PRKN: variants seen among roughly 807,000 people sequenced by gnomAD.
PRKN encodes parkin RBR E3 ubiquitin protein ligase, also known as E3 ubiquitin-protein ligase parkin.
Under a neutral mutation model 59.5 loss-of-function variants are expected in PRKN, and 56 were observed. That is an observed-to-expected ratio of 0.94 (90% CI 0.76 to 1.18). The LOEUF is 1.18. Ranked by LOEUF, PRKN falls within the 50% of genes most tolerant of loss-of-function variation. The pLI, the probability that PRKN is intolerant of heterozygous loss-of-function variation, is 0.00. For missense variants in PRKN, 657 were observed against 596.4 expected, an observed-to-expected ratio of 1.10 and a Z score of -1.06; for synonymous variants, 250 against 222.1, an observed-to-expected ratio of 1.13 and a Z score of -1.12.
intron 1 of PRKN, among the ~76,000 whole-genome samples, chr6:162,468,042 T>C (rs73785503): frequency 3.5e-3 from 529 of 152,310 alleles, no homozygotes; most frequent in African/African-American, 0.012. Flanking sequence ...TCTCATCACC[T>C]TGTTTACTGC....
At position 161,391,318 on chromosome 6, in the gene PRKN, T is replaced by C. The variant is rs1342505852; in HGVS notation, c.1084-4441A>G. On this transcript the variant is annotated intron_variant, in intron 9 of 11. Transcript: ENST00000366898. This position sits in a 1 kb window ranked among gnomAD's most constrained non-coding sequence, Gnocchi z 4.9. ...CCTCTCCAAACCTTATGAGTCAACA[T>C]TAACCGAATGGAAGTTAGTATACCA... Among the ~76,000 whole-genome samples the C allele has an allele frequency of 6.6e-6, 1 of 152,110 alleles. No individual in the cohort carries two copies. Among genetic ancestry groups the C allele is most frequent in the African/African-American group, 2.4e-5 (1 of 41,372 alleles).
rs1026583444 is a variant in PRKN, at chr6:162,304,484, T to G, written c.172-41719A>C. Among the ~76,000 whole-genome samples the G allele has an allele frequency of 2.5e-4, 36 of 146,506 alleles. 3 individuals are homozygous for G. The highest frequency in any genetic ancestry group is 3.5e-3 in the Middle Eastern group (1 of 288). On this transcript the variant is annotated intron_variant, in intron 2 of 11. Coordinates refer to ENST00000366898, the MANE Select transcript of PRKN (RefSeq NM_004562.3). The stretch of plus-strand genomic sequence containing the variant: ...TAACTAAAATGTAATGCTTGACTCA[T>G]CCAGTTCTATCTATCTATCTATCTA...
chr6:161,945,408 C>T (rs1022892995), intron 6 of PRKN, among the ~76,000 whole-genome samples: 1 of 152,062 alleles, frequency 6.6e-6, no homozygotes, highest in Admixed American at 6.6e-5. Flanking sequence ...GTCTTCTATC[C>T]GGTTTTCTTC....
chr6:161,900,310 A>AAGC (rs549606695), intron 6 of PRKN, among the ~76,000 whole-genome samples: 3 of 150,724 alleles, frequency 2.0e-5, no homozygotes, highest in South Asian at 2.1e-4. Flanking sequence ...GTCCACTGAG[A>AAGC]AGCAGCAGCA....
rs907402668 is a variant in PRKN, at chr6:161,446,982, CT to C, written c.1084-60106del. On this transcript the variant is annotated intron_variant, in intron 9 of 11. Coordinates refer to ENST00000366898, the MANE Select transcript of PRKN (RefSeq NM_004562.3). This position sits in a 1 kb window ranked among gnomAD's most constrained non-coding sequence, Gnocchi z 6.2. ...TATCCTTCCCAGGTGAAAAAGTGGG[CT>C]TTTTTTCCCCCTTAAGGCTAAATAG... is the stretch of plus-strand genomic sequence containing the variant. Among the ~76,000 whole-genome samples the C allele has an allele frequency of 5.4e-4, 82 of 152,266 alleles. 1 individual carries two copies. The highest frequency in any genetic ancestry group is 1.5e-3 in the African/African-American group (64 of 41,558).
intron 2 of PRKN, among the ~76,000 whole-genome samples, chr6:162,442,566 C>T (rs900304647): frequency 1.3e-5 from 2 of 152,122 alleles, no homozygotes; most frequent in Admixed American, 6.5e-5. Context: ...CAAAAATCAC[C>T]AATCCGAATG....
chr6:162,151,365 A>T (rs1782263015), intron 4 of PRKN, among the ~76,000 whole-genome samples: 1 of 152,208 alleles, frequency 6.6e-6, no homozygotes, highest in Admixed American at 6.5e-5. Context: ...ATGCTCAGTC[A>T]AACTTTAGAA....
chr6:162,183,805 C>T (rs1339107857), intron 4 of PRKN, among the ~76,000 whole-genome samples: 2 of 152,162 alleles, frequency 1.3e-5, no homozygotes, highest in East Asian at 1.9e-4. Flanking sequence ...CTACCATACA[C>T]CCCATTTATG....
At chr6:162,661,298 A>G (rs932336131) in intron 1 of PRKN, among the ~76,000 whole-genome samples, 20 of 152,190 alleles carry the variant, frequency 1.3e-4, no homozygotes, top group Non-Finnish European at 7.4e-5. Flanking sequence ...GCAATTGGCC[A>G]CCACTGACTT....
intron 1 of PRKN, among the ~76,000 whole-genome samples, chr6:162,646,500 T>C (rs931311759): frequency 1.3e-5 from 2 of 151,918 alleles, no homozygotes; most frequent in African/African-American, 2.4e-5. Flanking sequence ...CCCAGGCTGG[T>C]CTCAAACTCC....
chr6:162,266,380 G>GAGC (rs1359486185), intron 2 of PRKN: 1 of 152,362 alleles, frequency 6.6e-6, no homozygotes, highest in Admixed American at 6.6e-5. Flanking sequence ...AAATACTTGA[G>GAGC]AGCAGCAACT....
In PRKN at chr6:161,484,911, T is replaced by G. The variant is rs1186354207; in HGVS notation, c.1083+63943A>C. Among the ~76,000 whole-genome samples the G allele has an allele frequency of 5.3e-5, 8 of 151,474 alleles. No homozygotes were observed. The South Asian group carries it at 1.0e-3, about 20-fold the overall frequency. On this transcript the variant is annotated intron_variant, in intron 9 of 11. Coordinates refer to ENST00000366898, the MANE Select transcript of PRKN (RefSeq NM_004562.3). This position sits in a 1 kb window ranked among gnomAD's most constrained non-coding sequence, Gnocchi z 4.9. ...CCTAACCACCTGCCCCTCAAAGGTG[T>G]CTGCTCCTAACCACCTGCCTTTGCT...
rs1473752299 is a variant in PRKN at position 161,525,396 on chromosome 6, G to T, written c.1083+23458C>A. Among the ~76,000 whole-genome samples, 1 of 152,116 alleles carries T rather than the reference G, an allele frequency of 6.6e-6. No individual in the cohort carries two copies. ...AGCCTAGCCTGCCAGTGAGTAGGCT[G>T]CTCTGATCTCTTCTCCCTGCACTCC... On this transcript the variant is annotated intron_variant, in intron 9 of 11. Coordinates refer to ENST00000366898, the MANE Select transcript of PRKN (RefSeq NM_004562.3). This position sits in a 1 kb window ranked among gnomAD's most constrained non-coding sequence, Gnocchi z 4.7.
At chr6:161,693,372 T>G (rs1002080812) in intron 7 of PRKN, among the ~76,000 whole-genome samples, 2 of 152,130 alleles carry the variant, frequency 1.3e-5, no homozygotes, top group Non-Finnish European at 2.9e-5. Flanking sequence ...ATGGGGAAAA[T>G]GTATGTGACT....
intron 7 of PRKN, among the ~76,000 whole-genome samples, chr6:161,640,388 C>T (rs964945688): frequency 2.0e-5 from 3 of 152,134 alleles, no homozygotes; most frequent in African/African-American, 7.2e-5. Context: ...GTCTGGAAGG[C>T]ACTCACTGGG....
rs1024176324 is a variant in PRKN at position 161,579,901 on chromosome 6, G to A, written c.872-10485C>T. ...TATTCATCTTAGCGTAGGCATAACT[G>A]CATTCATTACTGAAAGGCATCTTTC... On this transcript the variant is annotated intron_variant, in intron 7 of 11. Coordinates refer to ENST00000366898, the MANE Select transcript of PRKN (RefSeq NM_004562.3). This position sits in a 1 kb window ranked among gnomAD's most constrained non-coding sequence, Gnocchi z 4.2. Among the ~76,000 whole-genome samples, 1 of 152,130 alleles carries A rather than the reference G, an allele frequency of 6.6e-6. No individual in the cohort carries two copies. Among genetic ancestry groups the A allele is most frequent in the African/African-American group, 2.4e-5 (1 of 41,444 alleles).
At chr6:162,039,326 G>T (rs141014172) in intron 5 of PRKN, among the ~76,000 whole-genome samples, 10 of 152,190 alleles carry the variant, frequency 6.6e-5, no homozygotes, top group Admixed American at 2.6e-4. Flanking sequence ...TGGTTCATTC[G>T]GCCCCACCAA....
chr6:162,308,349 G>T (rs4709595), intron 2 of PRKN, among the ~76,000 whole-genome samples: 61,156 of 152,022 alleles, frequency 0.4, 14,533 homozygotes, highest in Non-Finnish European at 0.53. Flanking sequence ...GAACAAAATG[G>T]GTTGGAATAA....
At chr6:161,884,926 C>G (rs190137695) in intron 6 of PRKN, among the ~76,000 whole-genome samples, 2 of 151,066 alleles carry the variant, frequency 1.3e-5, no homozygotes, top group Non-Finnish European at 2.9e-5. Context: ...AAGAATAGCA[C>G]TAGACACATA....
Sources: allele counts gnomAD v4.1 joint callset (sites outside exome capture counted in the v4.1 genomes callset), GRCh38; gene constraint gnomAD v4.1.1; non-coding constraint Gnocchi (gnomAD v3.1); transcripts MANE v1.5; gene names NCBI Gene and HGNC (gene_info 2026-07-23, HGNC 2026-07-21).